ROBO1: variants seen among roughly 807,000 people sequenced by gnomAD.
ROBO1 encodes the protein roundabout guidance receptor 1.
ROBO1 carries 149 observed loss-of-function variants against 195.9 expected under a neutral mutation model. The ratio of observed to expected loss-of-function variants is 0.76; its 90% confidence interval spans 0.67 to 0.87. ROBO1 has a LOEUF of 0.87. ROBO1 is among the 40% of genes least tolerant of loss of function. ROBO1 has a pLI of 0.00. For synonymous variants in ROBO1, 816 were observed against 733.2 expected, an observed-to-expected ratio of 1.11 and a Z score of -1.82; for missense variants, 1,933 against 2,068.3, an observed-to-expected ratio of 0.93 and a Z score of 1.27.
chr3:78,827,841 G>A lies in ROBO1; in HGVS notation c.500-80941C>T, dbSNP rs1283664826. ...TTGGATGAGGCCCACCCACAATTTG[G>A]AGGTTGATCTTCTTTACCAAAGTCT... is the stretch of plus-strand genomic sequence containing the variant. On this transcript the variant is annotated intron_variant, in intron 4 of 30. Transcript: ENST00000464233. Among the ~76,000 whole-genome samples, 3 of 152,110 alleles carry A rather than the reference G, an allele frequency of 2.0e-5. No individual in the cohort carries two copies. In the South Asian group the frequency reaches 6.2e-4, roughly 32 times the overall value.
At chr3:79,354,102 C>T (rs918065298) in intron 2 of ROBO1, among the ~76,000 whole-genome samples, 1 of 151,938 alleles carries the variant, frequency 6.6e-6, no homozygotes, top group African/African-American at 2.4e-5. Context: ...CACTATACTA[C>T]TGTTGCTGCT....
intron 4 of ROBO1, among the ~76,000 whole-genome samples, chr3:78,855,619 CTTA>C (rs944907145): frequency 2.0e-5 from 3 of 152,146 alleles, no homozygotes; most frequent in Non-Finnish European, 2.9e-5. Context: ...CTATGCTTTA[CTTA>C]TTATTATGTG....
chr3:79,041,188 A>G (rs2078481652), intron 3 of ROBO1, among the ~76,000 whole-genome samples: 1 of 152,172 alleles, frequency 6.6e-6, no homozygotes, highest in African/African-American at 2.4e-5. Flanking sequence ...TTTTTTTAGT[A>G]TAATCCCTTA....
At chr3:79,335,717 T>TG (rs2034639168) in intron 2 of ROBO1, among the ~76,000 whole-genome samples, 1 of 151,450 alleles carries the variant, frequency 6.6e-6, no homozygotes, top group Non-Finnish European at 1.5e-5. Flanking sequence ...CCGCAGAGAG[T>TG]GGGGTGCTGC....
chr3:78,720,802 G>A (rs978787640), intron 5 of ROBO1, among the ~76,000 whole-genome samples: 8 of 152,152 alleles, frequency 5.3e-5, no homozygotes, highest in South Asian at 2.1e-4. Context: ...TAGGGACGTG[G>A]ATGAAGCTGG....
chr3:79,278,167 G>C (rs1309737209), intron 2 of ROBO1, among the ~76,000 whole-genome samples: 1 of 151,926 alleles, frequency 6.6e-6, no homozygotes, highest in African/African-American at 2.4e-5. Context: ...ATTGAAGAGT[G>C]TACAAACAAA....
intron 2 of ROBO1, among the ~76,000 whole-genome samples, chr3:79,521,326 G>C (rs368084088): frequency 2.2e-4 from 34 of 152,222 alleles, no homozygotes; most frequent in African/African-American, 7.9e-4. Flanking sequence ...TTTCTTAGGG[G>C]TTCCTGTTTA....
At chr3:79,016,559 G>A (rs920527486) in intron 3 of ROBO1, among the ~76,000 whole-genome samples, 46 of 152,082 alleles carry the variant, frequency 3.0e-4, no homozygotes, top group African/African-American at 1.1e-3. Flanking sequence ...AATCTAATAG[G>A]ACAGTACTTC....
At chr3:79,134,283 A>G (rs1461556036) in intron 2 of ROBO1, among the ~76,000 whole-genome samples, 4 of 134,392 alleles carry the variant, frequency 3.0e-5, no homozygotes, top group African/African-American at 8.6e-5. Flanking sequence ...AAACACATGA[A>G]GAAATGCTCA....
intron 2 of ROBO1, among the ~76,000 whole-genome samples, chr3:79,477,643 T>C (rs80326658): frequency 0.034 from 5,221 of 152,234 alleles, 205 homozygotes; most frequent in African/African-American, 0.098. Flanking sequence ...AAAAGCTGTT[T>C]TAAGCAGAAT....
intron 3 of ROBO1, among the ~76,000 whole-genome samples, chr3:78,988,727 AG>A (rs1311474007): frequency 2.0e-5 from 3 of 152,202 alleles, no homozygotes; most frequent in Non-Finnish European, 4.4e-5. Context: ...TTACTTTTAC[AG>A]ATTTAAAATG....
intron 3 of ROBO1, among the ~76,000 whole-genome samples, chr3:79,074,718 T>G (rs1326572683): frequency 6.6e-6 from 1 of 151,818 alleles, no homozygotes; most frequent in African/African-American, 2.4e-5. Context: ...GATGGGCCAT[T>G]GCACCTGGGA....
intron 3 of ROBO1, among the ~76,000 whole-genome samples, chr3:79,010,816 T>A (rs952270221): frequency 1.3e-5 from 2 of 152,188 alleles, no homozygotes; most frequent in Admixed American, 1.3e-4. Flanking sequence ...ATAGCAATGA[T>A]CTTGTCAGTG....
chr3:79,151,050 G>A (rs748497950), intron 2 of ROBO1, among the ~76,000 whole-genome samples: 15 of 151,698 alleles, frequency 9.9e-5, no homozygotes, highest in Admixed American at 5.9e-4. Flanking sequence ...GTAATGAATA[G>A]GTCTCATGAG....
At chr3:79,678,305 AT>A (rs1394982108) in intron 1 of ROBO1, among the ~76,000 whole-genome samples, 13 of 152,022 alleles carry the variant, frequency 8.6e-5, no homozygotes, top group Non-Finnish European at 8.8e-5. Context: ...ATATATATAT[AT>A]ATAAATCACT....
intron 4 of ROBO1, among the ~76,000 whole-genome samples, chr3:78,872,198 A>G (rs1247382011): frequency 2.0e-5 from 3 of 152,194 alleles, no homozygotes; most frequent in Admixed American, 6.6e-5. Flanking sequence ...CTTTTCTGTG[A>G]CTACTTGTTC....
intron 1 of ROBO1, among the ~76,000 whole-genome samples, chr3:79,631,155 T>C (rs1298993449): frequency 6.7e-6 from 1 of 148,372 alleles, no homozygotes; most frequent in Non-Finnish European, 1.5e-5. Context: ...AATTCTAAAA[T>C]TCATATGGAA....
At chr3:78,637,560 T>C (rs768892972) in intron 22 of ROBO1, among the ~76,000 whole-genome samples, 11 of 152,194 alleles carry the variant, frequency 7.2e-5, no homozygotes, top group Admixed American at 2.0e-4. Context: ...TTAAACTATA[T>C]TTTATTAAAT....
intron 2 of ROBO1, among the ~76,000 whole-genome samples, chr3:79,583,009 T>A (rs1943707816): frequency 6.6e-6 from 1 of 151,980 alleles, no homozygotes; most frequent in South Asian, 2.1e-4. Flanking sequence ...GTGAAGTCTT[T>A]CATGCCCTCC....
Sources: allele counts gnomAD v4.1 joint callset (sites outside exome capture counted in the v4.1 genomes callset), GRCh38; gene constraint gnomAD v4.1.1; transcripts MANE v1.5; gene names NCBI Gene and HGNC (gene_info 2026-07-23, HGNC 2026-07-21).